PCDHA2: variants seen among roughly 807,000 people sequenced by gnomAD.
PCDHA2 encodes protocadherin alpha-2.
A neutral mutation model predicts 66.0 loss-of-function variants in PCDHA2; 58 were observed. That is an observed-to-expected ratio of 0.88 (90% CI 0.71 to 1.09). PCDHA2 has a LOEUF of 1.09. Among genes scored for constraint, PCDHA2 ranks in the 50% least tolerant of loss-of-function variants. PCDHA2 has a pLI of 0.00. For missense variants in PCDHA2, 1,267 were observed against 1,242.3 expected (o/e 1.02, Z -0.30); for synonymous variants, 634 against 554.0 (o/e 1.14, Z -2.03).
chr5:140,870,947 G>A lies in PCDHA2; in HGVS notation c.2388+73595G>A. ...TCATATGAATTGCAGCCGGCGGCGGGCGGCTCGCGCATCCCGTTCCGCGTG... is the reference window on the plus strand; with the variant it reads ...TCATATGAATTGCAGCCGGCGGCGGACGGCTCGCGCATCCCGTTCCGCGTG... On this transcript the variant is annotated intron_variant, in intron 1 of 3. Coordinates refer to ENST00000526136, the MANE Select transcript of PCDHA2 (RefSeq NM_018905.3). The A allele has an allele frequency of 6.2e-7, 1 of 1,613,700 alleles. No homozygotes were observed. Among genetic ancestry groups the A allele is most frequent in the Non-Finnish European group, 8.5e-7 (1 of 1,179,896 alleles).
Position 140,868,861 on chromosome 5 carries a change from T to G in PCDHA2, c.2388+71509T>G, listed in dbSNP as rs539900578. The G allele has an allele frequency of 3.6e-3, 1,881 of 525,394 alleles. 11 individuals carry two copies. Among genetic ancestry groups the G allele is most frequent in the Non-Finnish European group, 4.6e-3 (1,438 of 315,638 alleles). 32.5% of individuals were successfully genotyped at this position (525,394 alleles called of 1,614,324 possible). On this transcript the variant is annotated intron_variant, in intron 1 of 3. Coordinates refer to ENST00000526136, the MANE Select transcript of PCDHA2 (RefSeq NM_018905.3). ...ACACGTGAAATTCTGTGGTGGTAAA[T>G]GCAGTGCACAGTACTCACAGTTTTA...
chr5:140,884,604 G>A lies in PCDHA2; in HGVS notation c.2388+87252G>A. The A allele has an allele frequency of 1.2e-6, 2 of 1,614,140 alleles. 1 individual carries two copies. Among genetic ancestry groups the A allele is most frequent in the Middle Eastern group, 3.3e-4 (2 of 6,062 alleles). On this transcript the variant is annotated intron_variant, in intron 1 of 3. Coordinates refer to ENST00000526136, the MANE Select transcript of PCDHA2 (RefSeq NM_018905.3). Reference sequence around the variant, plus strand: ...GCCTTCAGTCCCAGCCTTCCTCCTTGTCTGGGTTCTGCAGAGGGAACAGGC... The same window carrying A: ...GCCTTCAGTCCCAGCCTTCCTCCTTATCTGGGTTCTGCAGAGGGAACAGGC...
chr5:140,869,270 T>G (rs782020247), intron 1 of PCDHA2: 48 of 1,613,430 alleles, frequency 3.0e-5, no homozygotes, highest in Non-Finnish European at 4.0e-5. Context: ...GGGCTGGAGC[T>G]GGCGGAGCTG....
intron 1 of PCDHA2, among the ~76,000 whole-genome samples, chr5:140,925,082 AAAGGAAGG>A (rs138596875): frequency 4.1e-5 from 6 of 147,388 alleles, no homozygotes; most frequent in Admixed American, 1.3e-4. Flanking sequence ...GCTCATCTGG[AAAGGAAGG>A]AAGGAAGGAA....
intron 1 of PCDHA2, chr5:140,882,225 C>A (rs782533520): frequency 1.5e-5 from 23 of 1,559,462 alleles, no homozygotes; most frequent in Non-Finnish European, 1.8e-5. Flanking sequence ...TGAGGTAAGG[C>A]GTTGTATATA....
rs782577579 is a variant in PCDHA2, at chr5:140,978,981, T to G, written c.2421T>G (p.Ser807=). The G allele has an allele frequency of 1.4e-5, 22 of 1,614,096 alleles. No individual in the cohort carries two copies. Among genetic ancestry groups the G allele is most frequent in the Non-Finnish European group, 1.8e-5 (21 of 1,180,040 alleles). The change falls in exon 2 of 4, where the codon TCT becomes TCG. Residue 807 remains serine (S), a synonymous_variant. Transcript: ENST00000526136. ...PRQPNPDWRY[S]ASLRAGMHSS... ...AGCCCAACCCTGACTGGCGTTACTC[T>G]GCCTCCCTGAGAGCAGGCATGCACA... is the stretch of plus-strand genomic sequence containing the variant.
At chr5:140,834,262 C>G in intron 1 of PCDHA2, 2 of 985,852 alleles carry the variant, frequency 2.0e-6, no homozygotes, top group Admixed American at 2.4e-5. Flanking sequence ...ACGCTCCACT[C>G]TCTTTCACTC....
chr5:140,856,512 G>T lies in PCDHA2; in HGVS notation c.2388+59160G>T, dbSNP rs781905206. On this transcript the variant is annotated intron_variant, in intron 1 of 3. Transcript: ENST00000526136. ...CTTGACTCTCGATTTCCACTAGAAG[G>T]CGCATCTGATGCGGATGTTGGAGAG... 1.9e-6 allele frequency: 3 copies of T among 1,598,396 alleles called. No individual in the cohort carries two copies. The South Asian group carries it at 3.3e-5, about 18-fold the overall frequency.
chr5:140,960,120 C>A (rs2095527331), intron 1 of PCDHA2, among the ~76,000 whole-genome samples: 1 of 152,118 alleles, frequency 6.6e-6, no homozygotes, highest in African/African-American at 2.4e-5. Context: ...AATAGTATTC[C>A]TTATGAAATA....
At chr5:140,840,564 T>C (rs1432242411) in intron 1 of PCDHA2, among the ~76,000 whole-genome samples, 1 of 152,054 alleles carries the variant, frequency 6.6e-6, no homozygotes, top group Non-Finnish European at 1.5e-5. Flanking sequence ...CTGCTAGAGT[T>C]TGGCATGTCA....
chr5:140,800,023 C>T (rs1316073962), intron 1 of PCDHA2, among the ~76,000 whole-genome samples: 6 of 152,072 alleles, frequency 3.9e-5, no homozygotes, highest in Non-Finnish European at 8.8e-5. Flanking sequence ...TCTCCCTTCA[C>T]TGTTTAGTTA....
chr5:140,801,127 A>G, intron 1 of PCDHA2: 1 of 1,520,548 alleles, frequency 6.6e-7, no homozygotes, highest in African/African-American at 1.4e-5. Context: ...AGAAATGAAG[A>G]TAAGGAACTC....
rs1554225842 is a variant in PCDHA2 at position 140,962,164 on chromosome 5, C to T, written c.2389-16785C>T. Among the ~76,000 whole-genome samples the T allele has an allele frequency of 2.0e-5, 3 of 152,236 alleles. No individual in the cohort carries two copies. In the South Asian group the frequency reaches 6.2e-4, roughly 32 times the overall value. On this transcript the variant is annotated intron_variant, in intron 1 of 3. Transcript: ENST00000526136. ...TGCTGGGATTACAGGCGTGAGCCAC[C>T]ACACCCGGCCACTTATATCACTTTT...
intron 1 of PCDHA2, chr5:140,856,941 C>G: frequency 6.3e-7 from 1 of 1,592,588 alleles, no homozygotes; most frequent in Non-Finnish European, 8.6e-7. Context: ...AACGAAAGGA[C>G]GGGAGAAATA....
rs1397274162 is a variant in PCDHA2, at chr5:140,845,104, T to G, written c.2388+47752T>G. 8.0e-5 allele frequency among the ~76,000 whole-genome samples: 12 copies of G among 149,722 alleles called. 2 individuals are homozygous for G. In the Admixed American group the frequency reaches 8.0e-4, roughly 10 times the overall value. On this transcript the variant is annotated intron_variant, in intron 1 of 3. Transcript: ENST00000526136. ...GTAGTTTATTTTACAGTTCTCTTAA[T>G]GCCTGTCCATGTTTAGCATTTTATT... is the stretch of plus-strand genomic sequence containing the variant.
chr5:140,969,148 G>A, intron 1 of PCDHA2: 2 of 1,614,102 alleles, frequency 1.2e-6, no homozygotes, highest in Non-Finnish European at 8.5e-7. Context: ...ACTGCTACAA[G>A]GCCTGTCTGA....
intron 3 of PCDHA2, among the ~76,000 whole-genome samples, chr5:140,994,595 C>CT (rs1554254262): frequency 6.6e-6 from 1 of 151,984 alleles, no homozygotes; most frequent in East Asian, 1.9e-4. Context: ...GTCTCAGCTA[C>CT]TTGGGAGGCT....
In PCDHA2 at chr5:140,829,866, C is replaced by A. The variant is rs180987045; in HGVS notation, c.2388+32514C>A. On this transcript the variant is annotated intron_variant, in intron 1 of 3. Transcript: ENST00000526136. ...TCACTGGGTGCAGGCCAAGTGGTGG[C>A]GAAGGTGCGCGCAGTTGACGCCGAC... 5 of 1,613,774 alleles carry A rather than the reference C, an allele frequency of 3.1e-6. 1 individual carries two copies. The Admixed American group carries it at 6.7e-5, about 22-fold the overall frequency.
chr5:140,851,664 A>G, intron 1 of PCDHA2: 1 of 913,742 alleles, frequency 1.1e-6, no homozygotes, highest in South Asian at 5.0e-5. Flanking sequence ...TTCTCCTTTT[A>G]ATTGAAATTT....
Sources: gnomAD v4.1 joint callset for allele counts (sites outside exome capture counted in the v4.1 genomes callset) on GRCh38, gnomAD v4.1.1 for gene constraint, MANE v1.5 for transcripts, NCBI Gene and HGNC (gene_info 2026-07-23, HGNC 2026-07-21) for gene names.